The following DPYSL2 variants were observed in gnomAD, a reference collection of about 807,000 sequenced individuals.
DPYSL2 encodes the protein dihydropyrimidinase-related protein 2.
A neutral mutation model predicts 69.9 loss-of-function variants in DPYSL2; 13 were observed. The observed-to-expected ratio is 0.19, with a 90% CI of 0.12 to 0.30. The LOEUF (loss-of-function observed/expected upper bound fraction) is 0.30, where lower values mean the gene tolerates loss of function less well. Ranked by LOEUF, DPYSL2 falls within the 10% of genes least tolerant of loss-of-function variation. The pLI is 1.00. For missense variants in DPYSL2, 587 were observed against 918.9 expected (o/e 0.64, Z 4.67); for synonymous variants, 326 against 359.1 (o/e 0.91, Z 1.04).
chr8:26,523,020 A>G (rs893752901), intron 1 of DPYSL2, among the ~76,000 whole-genome samples: 2 of 152,068 alleles, frequency 1.3e-5, no homozygotes, highest in African/African-American at 4.8e-5. Flanking sequence ...TTAGAATAGC[A>G]TTTGTAGTAG....
At chr8:26,563,486 A>G (rs1801104884) in intron 1 of DPYSL2, among the ~76,000 whole-genome samples, 1 of 152,206 alleles carries the variant, frequency 6.6e-6, no homozygotes, top group Non-Finnish European at 1.5e-5. Flanking sequence ...ACGTTCTGCT[A>G]CTTCCTCCAG....
intron 1 of DPYSL2, among the ~76,000 whole-genome samples, chr8:26,576,895 T>G (rs998520871): frequency 1.3e-5 from 2 of 152,194 alleles, no homozygotes; most frequent in African/African-American, 4.8e-5. Flanking sequence ...CCGACAGCGC[T>G]GCAGGCACCA....
rs1803254061 is a variant in DPYSL2, at chr8:26,650,232, G to A, written c.1597-2025G>A. Among the ~76,000 whole-genome samples the A allele has an allele frequency of 6.6e-6, 1 of 152,176 alleles. No individual in the cohort carries two copies. Among genetic ancestry groups the A allele is most frequent in the Admixed American group, 6.5e-5 (1 of 15,280 alleles). ...GGAGGTGGAGGCTCAGGGGTGTGAG[G>A]GATGCATCCAAAGTCACATAGCTGG... On this transcript the variant is annotated intron_variant, in intron 11 of 13. Transcript: ENST00000521913. This position sits in a 1 kb window ranked among gnomAD's most constrained non-coding sequence, Gnocchi z 5.3.
chr8:26,594,835 A>G (rs1435232139), intron 3 of DPYSL2, among the ~76,000 whole-genome samples: 4 of 152,326 alleles, frequency 2.6e-5, no homozygotes, highest in Admixed American at 6.5e-5. Context: ...CTTCAAGCCT[A>G]TGTACATGAG....
rs192518595 is a variant in DPYSL2 at position 26,644,547 on chromosome 8, G to A, written c.1425+456G>A. ...GCTGGTCTCGAGTTCCCGGGTTTAA[G>A]CAATGCCTCGGCCTCCCAAAGTGCT... On this transcript the variant is annotated intron_variant, in intron 10 of 13. Coordinates refer to ENST00000521913, the MANE Select transcript of DPYSL2 (RefSeq NM_001197293.3). The surrounding 1 kb of genome is among the most constrained non-coding windows in gnomAD (Gnocchi z 4.5). Among the ~76,000 whole-genome samples the A allele has an allele frequency of 5.6e-4, 85 of 151,916 alleles. No homozygotes were observed. Among genetic ancestry groups the A allele is most frequent in the African/African-American group, 1.7e-3 (72 of 41,426 alleles).
rs773074145 is a variant in DPYSL2, at chr8:26,652,348, C to A, written c.1688C>A (p.Thr563Asn). The change falls in exon 12 of 14, where the codon ACC becomes AAC. Residue 563 changes from threonine to asparagine, a missense_variant. By Grantham distance (65) the Thr-to-Asn change is moderately conservative. Around this residue, in one of 3 missense-constraint regions of DPYSL2, gnomAD observed 452 missense variants for 754.3 expected, o/e 0.60. Transcript: ENST00000521913. This position sits in a 1 kb window ranked among gnomAD's most constrained non-coding sequence, Gnocchi z 6.3. ...GGGAAGATTGTCCTGGAGGACGGCACCCTGCATGTCACCGAAGGCTCTGGA... is the reference window on the plus strand; with the variant it reads ...GGGAAGATTGTCCTGGAGGACGGCAACCTGCATGTCACCGAAGGCTCTGGA... ...SQGKIVLEDG[T>N]LHVTEGSGRY... 4.3e-6 allele frequency: 7 copies of A among 1,614,076 alleles called. No individual in the cohort carries two copies. The Admixed American group carries it at 1.0e-4, about 23-fold the overall frequency.
chr8:26,541,338 TC>T (rs1376235981), intron 1 of DPYSL2, among the ~76,000 whole-genome samples: 2 of 152,212 alleles, frequency 1.3e-5, no homozygotes, highest in Non-Finnish European at 2.9e-5. Context: ...AGATAGTTTT[TC>T]TCAAACAAAC....
chr8:26,636,495 C>A (rs11778165), intron 8 of DPYSL2, among the ~76,000 whole-genome samples: 96,957 of 152,162 alleles, frequency 0.64, 32,996 homozygotes, highest in Non-Finnish European at 0.76. Context: ...TGGATAGAGA[C>A]CTTGTCTAAA....
At chr8:26,563,080 C>G (rs1202040688) in intron 1 of DPYSL2, among the ~76,000 whole-genome samples, 1 of 152,152 alleles carries the variant, frequency 6.6e-6, no homozygotes, top group Non-Finnish European at 1.5e-5. Flanking sequence ...CTGTCATACT[C>G]TACTTGTTAA....
chr8:26,636,586 G>T (rs1264602888), intron 8 of DPYSL2, among the ~76,000 whole-genome samples: 1 of 152,184 alleles, frequency 6.6e-6, no homozygotes, highest in African/African-American at 2.4e-5. Flanking sequence ...GGGAGGTGGA[G>T]TCGTGGGCCA....
chr8:26,532,289 A>T (rs1585492658), intron 1 of DPYSL2, among the ~76,000 whole-genome samples: 1 of 152,284 alleles, frequency 6.6e-6, no homozygotes, highest in East Asian at 1.9e-4. Context: ...TAGGTAAAAG[A>T]AGAGGGGCAG....
At chr8:26,599,943 G>A (rs1321800191) in intron 3 of DPYSL2, among the ~76,000 whole-genome samples, 1 of 151,900 alleles carries the variant, frequency 6.6e-6, no homozygotes. Context: ...TGCACCCCTA[G>A]CCCATGGCAA....
chr8:26,612,936 C>A (rs1402419128), intron 3 of DPYSL2, among the ~76,000 whole-genome samples: 1 of 152,228 alleles, frequency 6.6e-6, no homozygotes, highest in South Asian at 2.1e-4. Flanking sequence ...AGATCGTAAA[C>A]CTGTCCTGCC....
In DPYSL2 at chr8:26,514,791, C is replaced by A. The variant is rs897260806; in HGVS notation, c.354+112C>A. On this transcript the variant is annotated intron_variant, in intron 1 of 13. Transcript: ENST00000521913. The surrounding 1 kb of genome is among the most constrained non-coding windows in gnomAD (Gnocchi z 8.4). ...ATGCCCCGCCCTGGACCTCGCCTCC[C>A]GCATCTGCACGCGCACCCCGCCCTA... 4.2e-6 allele frequency: 4 copies of A among 944,414 alleles called. No homozygotes were observed. The African/African-American group carries it at 5.3e-5, about 12-fold the overall frequency. 58.5% of individuals were successfully genotyped at this position (944,414 alleles called of 1,614,324 possible).
At chr8:26,576,464 T>C (rs951467431) in intron 1 of DPYSL2, among the ~76,000 whole-genome samples, 5 of 152,108 alleles carry the variant, frequency 3.3e-5, no homozygotes, top group African/African-American at 1.2e-4. Context: ...CCAGATGTTT[T>C]AGTTATTGTA....
chr8:26,574,131 G>A (rs1261616871), intron 1 of DPYSL2, among the ~76,000 whole-genome samples: 1 of 152,168 alleles, frequency 6.6e-6, no homozygotes, highest in Non-Finnish European at 1.5e-5. Context: ...ACACAGGAAG[G>A]AGTGCTTAAG....
intron 3 of DPYSL2, among the ~76,000 whole-genome samples, chr8:26,602,194 G>A (rs1042415496): frequency 2.7e-5 from 4 of 146,546 alleles, no homozygotes; most frequent in South Asian, 2.1e-4. Context: ...TTTTAGGAGC[G>A]TATTAGATAA....
At chr8:26,529,276 C>CTATCATCTATCT (rs1554531948) in intron 1 of DPYSL2, among the ~76,000 whole-genome samples, 15 of 136,390 alleles carry the variant, frequency 1.1e-4, no homozygotes, top group African/African-American at 3.1e-4. Flanking sequence ...ATCTATCTAT[C>CTATCATCTATCT]ATCTATCTAT....
chr8:26,534,607 G>A (rs1012692147), intron 1 of DPYSL2, among the ~76,000 whole-genome samples: 4 of 151,786 alleles, frequency 2.6e-5, no homozygotes, highest in Non-Finnish European at 4.4e-5. Flanking sequence ...GAAAATATAG[G>A]ACACACTGTA....
Sources: gnomAD v4.1 joint callset for allele counts (sites outside exome capture counted in the v4.1 genomes callset) on GRCh38, gnomAD v4.1.1 for gene constraint, gnomAD v4.1.1 regional missense constraint, Gnocchi (gnomAD v3.1) non-coding constraint, MANE v1.5 for transcripts, NCBI Gene and HGNC (gene_info 2026-07-23, HGNC 2026-07-21) for gene names.